Variants in PNKP observed in about 807,000 individuals in gnomAD.
PNKP encodes polynucleotide kinase 3'-phosphatase.
A neutral mutation model predicts 66.2 loss-of-function variants in PNKP; 82 were observed. The observed-to-expected ratio is 1.24, with a 90% confidence interval of 1.04 to 1.49. PNKP has a LOEUF of 1.49. Ranked by LOEUF, PNKP falls within the 40% of genes most tolerant of loss-of-function variation. The pLI, the probability that PNKP is intolerant of heterozygous loss-of-function variation, is 0.00. For synonymous variants in PNKP, 412 were observed against 298.9 expected, an observed-to-expected ratio of 1.38 and a Z score of -3.90; for missense variants, 907 against 706.8, an observed-to-expected ratio of 1.28 and a Z score of -3.21.
rs997251149 is a variant in PNKP at position 49,866,138 on chromosome 19, G to C, written c.198+261C>G. 2.0e-5 allele frequency: 10 copies of C among 506,486 alleles called. 1 individual carries two copies. In the African/African-American group the frequency reaches 2.0e-4, roughly 10 times the overall value. 31.4% of individuals were successfully genotyped at this position (506,486 alleles called of 1,614,324 possible). On this transcript the variant is annotated intron_variant, in intron 3 of 16. Transcript: ENST00000322344. ...AGGGATCCTCCCGCTTCAGCCTCCC[G>C]ATTAGGAACTACAAGGACGCGCCAC...
At chr19:49,863,272 C>G (rs1388953201) in intron 8 of PNKP, among the ~76,000 whole-genome samples, 1 of 152,186 alleles carries the variant, frequency 6.6e-6, no homozygotes, top group Non-Finnish European at 1.5e-5. Flanking sequence ...GTCACCTCCT[C>G]AGAGGCCATC....
At chr19:49,862,644 G>A (rs187962247) in intron 9 of PNKP, 36 bp from the exon 10 acceptor site, 11 of 1,613,776 alleles carry the variant, frequency 6.8e-6, no homozygotes, top group African/African-American at 5.3e-5. Flanking sequence ...CCACCAGCTC[G>A]GAGGGAGGCG....
Position 49,862,553 on chromosome 19 carries a change from G to T in PNKP, c.921C>A (p.Ser307=), listed in dbSNP as rs369985921. The change falls in exon 10 of 17, where the codon TCC becomes TCA. Residue 307 remains serine (S), a synonymous_variant. Coordinates refer to ENST00000322344, the MANE Select transcript of PNKP (RefSeq NM_007254.4). The part of the protein sequence containing the change: ...WAPGRKKKDF[S]CADRLFALNL... ...GGGGCCTCACCAGGCGATCGGCGCAGGAGAAGTCTTTCTTCTTCCGCCCCG... is the reference window on the plus strand; with the variant it reads ...GGGGCCTCACCAGGCGATCGGCGCATGAGAAGTCTTTCTTCTTCCGCCCCG... 5 of 1,611,656 alleles carry T rather than the reference G, an allele frequency of 3.1e-6. No homozygotes were observed. Among genetic ancestry groups the T allele is most frequent in the Middle Eastern group, 1.6e-4 (1 of 6,078 alleles).
rs1345667875 is a variant in PNKP, at chr19:49,862,497, A to AGGGTCG, written c.936+35_937-35dup. ...TGAGGACGAACATCAGACACAGGCC[A>AGGGTCG]GGGTCGGGCTCGGGCGCGGGGCAGG... On this transcript the variant is annotated intron_variant, in intron 10 of 16. Transcript: ENST00000322344. 3.1e-6 allele frequency: 5 copies of AGGGTCG among 1,598,596 alleles called. No individual in the cohort carries two copies. The Admixed American group carries it at 5.2e-5, about 17-fold the overall frequency.
rs1417491460 is a variant in PNKP at position 49,862,780 on chromosome 19, C to A, written c.817-42G>T. ...TGAGGAGGCCCTTCCCACAAATGTC[C>A]CCCCGCAGCGGTAGCGGGTCCCTGG... On this transcript the variant is annotated intron_variant, in intron 8 of 16. Coordinates refer to ENST00000322344, the MANE Select transcript of PNKP (RefSeq NM_007254.4). The A allele has an allele frequency of 3.7e-6, 6 of 1,609,536 alleles. No homozygotes were observed. In the African/African-American group the frequency reaches 6.7e-5, roughly 18 times the overall value.
chr19:49,864,519 A>ATGGGGAAACCGAG, intron 4 of PNKP, 116 bp from the exon 5 acceptor site: 1 of 817,658 alleles, frequency 1.2e-6, no homozygotes, highest in Non-Finnish European at 2.1e-6. Flanking sequence ...CATCTCACAG[A>ATGGGGAAACCGAG]TGGGGAAACC....
In PNKP at chr19:49,864,066, C is replaced by T. The variant is rs779955739; in HGVS notation, c.642G>A (p.Val214=). 1 of 1,613,908 alleles carries T rather than the reference C, an allele frequency of 6.2e-7. No individual in the cohort carries two copies. Among genetic ancestry groups the T allele is most frequent in the Admixed American group, 1.7e-5 (1 of 60,028 alleles). ...RELEAEGYKL[V]IFTNQMSIGR... ...CGATGCTCATCTGGTTGGTGAAGAT[C>T]ACCAGCTGGGGAGCAAAGGGTGTCA... The change falls in exon 7 of 17, where the codon GTG becomes GTA. Residue 214 remains valine (V), a synonymous_variant. Coordinates refer to ENST00000322344, the MANE Select transcript of PNKP (RefSeq NM_007254.4).
chr19:49,867,288 A>G, intron 1 of PNKP, 71 bp from the exon 2 acceptor site: 1 of 1,441,494 alleles, frequency 6.9e-7, no homozygotes, highest in South Asian at 1.2e-5. Context: ...GCCTCCTCCC[A>G]CATCCACTAG....
chr19:49,862,337 CAT>C, intron 11 of PNKP, 32 bp downstream of exon 11: 8 of 1,505,964 alleles, frequency 5.3e-6, no homozygotes, highest in Non-Finnish European at 7.2e-6. Context: ...GGAGCCCTCC[CAT>C]CCCCACCCCC....
rs756469407 is a variant in PNKP, at chr19:49,861,599, C to T, written c.1386+9G>A. 11 of 1,558,314 alleles carry T rather than the reference C, an allele frequency of 7.1e-6. No individual in the cohort carries two copies. Among genetic ancestry groups the T allele is most frequent in the Non-Finnish European group, 8.7e-6 (10 of 1,152,388 alleles). On this transcript the variant is annotated intron_variant, in intron 15 of 16. Transcript: ENST00000322344. ...CAGCCCGGGGGGTGTCCGGGCTGAG[C>T]GGGCTCACCCGGTTGTTGTGGCGCG...
In PNKP at chr19:49,865,294, T is replaced by C. The variant is rs1239561285; in HGVS notation, c.331A>G (p.Thr111Ala). ...GGAGTATCTGGCTGGGATTCTGGTG[T>C]GCGGGTCTCTTCCCAGCGCAGGGTC... ...PLTLRWEETR[T>A]PESQPDTPPG... is the part of the protein sequence containing the mutation. The change falls in exon 4 of 17, where the codon ACA (threonine) becomes GCA (alanine). Residue 111 changes from threonine (T) to alanine (A), a missense_variant. Transcript: ENST00000322344. 5.6e-6 allele frequency: 9 copies of C among 1,614,216 alleles called. No homozygotes were observed. The highest frequency in any genetic ancestry group is 7.6e-6 in the Non-Finnish European group (9 of 1,180,036).
intron 1 of PNKP, 50 bp from the exon 2 acceptor site, chr19:49,867,267 C>A: frequency 7.9e-6 from 12 of 1,527,194 alleles, no homozygotes; most frequent in Non-Finnish European, 8.8e-6. Context: ...CAATTTGCTG[C>A]AGGAAGTCCC....
Position 49,862,361 on chromosome 19 carries a change from A to G in PNKP, c.1029+10T>C. On this transcript the variant is annotated intron_variant, in intron 11 of 16. Transcript: ENST00000322344. ...CCATCCCCACCCCCACCCCCGCCCC[A>G]GGGCCTCACCGGATCAAAGGCTGGG... The G allele has an allele frequency of 1.7e-6, 1 of 605,184 alleles. No homozygotes were observed. Among genetic ancestry groups the G allele is most frequent in the Non-Finnish European group, 2.6e-6 (1 of 385,458 alleles). The allele number at this position is 605,184 out of a possible 1,614,324, so 37.5% of individuals were successfully genotyped here. A position where few individuals can be genotyped will look rare whatever the true frequency, so the allele number is the denominator to read the frequency against.
In PNKP at chr19:49,861,486, G is replaced by C; in HGVS notation, c.1411C>G (p.His471Asp). ...NRFREMTDSS[H>D]IPVSDMVMYG... Reference sequence around the variant, plus strand: ...ATGACCATGTCTGACACGGGGATATGAGAGGAGTCCGTCATCTCTCGAAAC... The same window carrying C: ...ATGACCATGTCTGACACGGGGATATCAGAGGAGTCCGTCATCTCTCGAAAC... The change falls in exon 16 of 17, where the codon CAT (histidine) becomes GAT (aspartate). Residue 471 changes from histidine to aspartate, a missense_variant. Coordinates refer to ENST00000322344, the MANE Select transcript of PNKP (RefSeq NM_007254.4). 1 of 1,603,584 alleles carries C rather than the reference G, an allele frequency of 6.2e-7. No individual in the cohort carries two copies. Among genetic ancestry groups the C allele is most frequent in the Non-Finnish European group, 8.5e-7 (1 of 1,173,566 alleles).
Position 49,865,395 on chromosome 19 carries a change from T to C in PNKP, c.230A>G (p.Gln77Arg). Residue 77 changes from glutamine (Q) to arginine (R), a missense_variant, in exon 4 of 17, where the codon CAG (glutamine) becomes CGG (arginine). Physicochemically the swap from Gln to Arg is conservative, Grantham distance 43 (BLOSUM62 1). Coordinates refer to ENST00000322344, the MANE Select transcript of PNKP (RefSeq NM_007254.4). ...GCCCTCCAACCCCGGCTTCAACTCC[T>C]GGGTCCCGGTAGTTGAGGGGTTAAC... ...LGVNPSTTGT[Q>R]ELKPGLEGSL... is the part of the protein sequence containing the mutation. 1 of 1,611,768 alleles carries C rather than the reference T, an allele frequency of 6.2e-7. No individual in the cohort carries two copies. Among genetic ancestry groups the C allele is most frequent in the South Asian group, 1.1e-5 (1 of 90,768 alleles).
In PNKP at chr19:49,861,350, G is replaced by A. The variant is rs913815275; in HGVS notation, c.1464C>T (p.Ala488=). 1.2e-6 allele frequency: 2 copies of A among 1,614,150 alleles called. No homozygotes were observed. The highest frequency in any genetic ancestry group is 1.7e-6 in the Non-Finnish European group (2 of 1,179,990). The change falls in exon 17 of 17, where the codon GCC becomes GCT. Residue 488 remains alanine, a synonymous_variant. Transcript: ENST00000322344. ...VMYGYRKQFE[A]PTLAEGFSAI... is the part of the protein sequence containing the mutation. The stretch of plus-strand genomic sequence containing the variant: ...CAGAGAAGCCTTCAGCCAGCGTTGG[G>A]GCCTCGAACTGCTTCCTGGCAGTGG...
In PNKP at chr19:49,867,117, C is replaced by A; in HGVS notation, c.88G>T (p.Ala30Ser). The A allele has an allele frequency of 6.2e-7, 1 of 1,613,484 alleles. No individual in the cohort carries two copies. Among genetic ancestry groups the A allele is most frequent in the African/African-American group, 1.3e-5 (1 of 75,074 alleles). The change falls in exon 2 of 17, where the codon GCC becomes TCC. Residue 30 changes from alanine (A) to serine (S), a missense_variant. Ala to Ser is a moderately conservative substitution (Grantham distance 99). Transcript: ENST00000322344. ...AGGGGTCCCCTGCCCAGGACCAGGG[C>A]TTGCCCGTCCGAGGGCAGGAAGATG... Reference protein sequence around the residue: ...PPIFLPSDGQALVLGRGPLTQ... With the variant: ...PPIFLPSDGQSLVLGRGPLTQ...
intron 4 of PNKP, among the ~76,000 whole-genome samples, chr19:49,864,698 C>T (rs2074805277): frequency 6.6e-6 from 1 of 152,220 alleles, no homozygotes; most frequent in Non-Finnish European, 1.5e-5. Context: ...GCCTTCACCA[C>T]CTCGGTGGGC....
intron 7 of PNKP, 67 bp downstream of exon 7, chr19:49,863,897 G>A: frequency 2.8e-6 from 4 of 1,422,720 alleles, no homozygotes; most frequent in Non-Finnish European, 3.9e-6. Context: ...GCTTACCCTG[G>A]AGTCTAAAGC....
Sources: gnomAD v4.1 joint callset for allele counts (sites outside exome capture counted in the v4.1 genomes callset) on GRCh38, gnomAD v4.1.1 for gene constraint, MANE v1.5 for transcripts, NCBI Gene and HGNC (gene_info 2026-07-23, HGNC 2026-07-21) for gene names.